NBEA: variants seen among roughly 807,000 people sequenced by gnomAD.
NBEA encodes neurobeachin, also known as lysosomal-trafficking regulator 2.
Under a neutral mutation model 343.4 loss-of-function variants are expected in NBEA, and 44 were observed. The observed-to-expected ratio is 0.13, with a 90% CI of 0.10 to 0.16. The LOEUF (loss-of-function observed/expected upper bound fraction) is 0.16. Ranked by LOEUF, NBEA falls within the 10% of genes least tolerant of loss-of-function variation. The pLI, the probability that NBEA is intolerant of heterozygous loss-of-function variation, is 1.00. For synonymous variants in NBEA, 1,175 were observed against 1,238.7 expected, an observed-to-expected ratio of 0.95 and a Z score of 1.08; for missense variants, 2,555 against 3,631.3, an observed-to-expected ratio of 0.70 and a Z score of 7.62.
chr13:35,301,170 G>GTT (rs549172552), intron 35 of NBEA, among the ~76,000 whole-genome samples: 17 of 142,908 alleles, frequency 1.2e-4, no homozygotes, highest in South Asian at 2.2e-4. Context: ...TCCACAATAT[G>GTT]TTTTTTTTTT....
chr13:35,485,481 T>C (rs1484795119), intron 41 of NBEA, among the ~76,000 whole-genome samples: 1 of 152,118 alleles, frequency 6.6e-6, no homozygotes, highest in Non-Finnish European at 1.5e-5. Context: ...ATCGTTGTAT[T>C]ATCCATGTTA....
At chr13:35,427,867 G>T (rs983993417) in intron 38 of NBEA, among the ~76,000 whole-genome samples, 1 of 152,172 alleles carries the variant, frequency 6.6e-6, no homozygotes, top group African/African-American at 2.4e-5. Context: ...CTGCCACCTT[G>T]CAATTTGATC....
chr13:35,502,786 G>GGGATTTGGGCCTGCAAAT (rs2076938156), intron 41 of NBEA, among the ~76,000 whole-genome samples: 1 of 152,026 alleles, frequency 6.6e-6, no homozygotes, highest in Admixed American at 6.6e-5. Context: ...TACAGTACGT[G>GGGATTTGGGCCTGCAAAT]GGATTTGGGC....
chr13:35,539,892 G>A (rs1425188082), intron 41 of NBEA, among the ~76,000 whole-genome samples: 1 of 116,208 alleles, frequency 8.6e-6, no homozygotes, highest in African/African-American at 3.3e-5. Context: ...CTCCAGCCTG[G>A]GCGACAGAGC....
chr13:35,263,874 G>A (rs953366539), intron 34 of NBEA, among the ~76,000 whole-genome samples: 5 of 151,650 alleles, frequency 3.3e-5, no homozygotes, highest in African/African-American at 1.2e-4. Context: ...TTAGAAAAAC[G>A]AGAAAACTAA....
At chr13:35,315,590 T>C (rs1470667802) in intron 36 of NBEA, among the ~76,000 whole-genome samples, 2 of 152,162 alleles carry the variant, frequency 1.3e-5, no homozygotes, top group Non-Finnish European at 2.9e-5. Flanking sequence ...CCTTTGTCAC[T>C]CTTTTAAAAG....
At chr13:35,201,350 TA>T (rs1240515283) in intron 31 of NBEA, among the ~76,000 whole-genome samples, 2 of 152,130 alleles carry the variant, frequency 1.3e-5, no homozygotes, top group East Asian at 1.9e-4. Flanking sequence ...TTCTTAAACA[TA>T]TTTTTTTATA....
chr13:34,983,529 A>G (rs2060436108), intron 1 of NBEA, among the ~76,000 whole-genome samples: 1 of 152,314 alleles, frequency 6.6e-6, no homozygotes, highest in Non-Finnish European at 1.5e-5. Flanking sequence ...TCTTTTGGGT[A>G]TATACCCAGT....
intron 34 of NBEA, among the ~76,000 whole-genome samples, chr13:35,278,215 G>A (rs1248837814): frequency 6.6e-6 from 1 of 151,260 alleles, no homozygotes; most frequent in Non-Finnish European, 1.5e-5. Flanking sequence ...GAGAGTTTGG[G>A]TGTAGAAAGA....
intron 38 of NBEA, among the ~76,000 whole-genome samples, chr13:35,425,492 T>C (rs947997662): frequency 6.6e-6 from 1 of 152,230 alleles, no homozygotes; most frequent in African/African-American, 2.4e-5. Context: ...TCTAGTTTGA[T>C]TGCACTGCGG....
chr13:35,255,630 A>G (rs751770109), intron 34 of NBEA, among the ~76,000 whole-genome samples: 5 of 152,252 alleles, frequency 3.3e-5, no homozygotes, highest in Admixed American at 6.5e-5. Flanking sequence ...GGATGAGGGC[A>G]AGATGATAGC....
chr13:35,478,222 C>T (rs898826978), intron 41 of NBEA, among the ~76,000 whole-genome samples: 1 of 152,212 alleles, frequency 6.6e-6, no homozygotes, highest in Non-Finnish European at 1.5e-5. Flanking sequence ...CCTTATCCAA[C>T]AGTGATAGAT....
At chr13:35,086,555 C>T (rs1313788163) in intron 10 of NBEA, among the ~76,000 whole-genome samples, 1 of 151,792 alleles carries the variant, frequency 6.6e-6, no homozygotes, top group Non-Finnish European at 1.5e-5. Context: ...TAGCCATTTG[C>T]CTGTTGATGG....
chr13:35,530,433 G>T (rs1428327486), intron 41 of NBEA, among the ~76,000 whole-genome samples: 1 of 145,870 alleles, frequency 6.9e-6, no homozygotes, highest in African/African-American at 2.7e-5. Context: ...TTCTACAGCT[G>T]GGCTAAAAAT....
Position 35,067,016 on chromosome 13 carries a change from T to C in NBEA, c.1240-2892T>C, listed in dbSNP as rs2063676912. ...ATCAGCCCCAGATTTATATTAATTT[T>C]ATCCTAGTGAGTTATATAAATGTTA... is the stretch of plus-strand genomic sequence containing the variant. On this transcript the variant is annotated intron_variant, in intron 8 of 58. Transcript: ENST00000379939. Among the ~76,000 whole-genome samples, 3 of 152,150 alleles carry C rather than the reference T, an allele frequency of 2.0e-5. No individual in the cohort carries two copies. The South Asian group carries it at 6.2e-4, about 32-fold the overall frequency.
chr13:35,280,327 AAAG>A (rs1418823803), intron 34 of NBEA, among the ~76,000 whole-genome samples: 3 of 152,132 alleles, frequency 2.0e-5, no homozygotes, highest in Non-Finnish European at 4.4e-5. Context: ...CTCATGAGTA[AAAG>A]AAGATGTTTA....
At chr13:35,373,418 A>G (rs559940743) in intron 38 of NBEA, among the ~76,000 whole-genome samples, 1 of 152,234 alleles carries the variant, frequency 6.6e-6, no homozygotes, top group South Asian at 2.1e-4. Context: ...TTATTAAGGA[A>G]GTAATGGCCA....
intron 41 of NBEA, among the ~76,000 whole-genome samples, chr13:35,503,210 T>C (rs2076952604): frequency 6.6e-6 from 1 of 151,756 alleles, no homozygotes; most frequent in Admixed American, 6.6e-5. Flanking sequence ...AAAGTAATAC[T>C]TGCTAAATAC....
chr13:35,531,610 G>A (rs956715073), intron 41 of NBEA, among the ~76,000 whole-genome samples: 2 of 152,142 alleles, frequency 1.3e-5, no homozygotes, highest in African/African-American at 4.8e-5. Flanking sequence ...CCGTCTCTAT[G>A]ACAACTGTTT....
Sources: allele counts gnomAD v4.1 joint callset (sites outside exome capture counted in the v4.1 genomes callset), GRCh38; gene constraint gnomAD v4.1.1; transcripts MANE v1.5; gene names NCBI Gene and HGNC (gene_info 2026-07-23, HGNC 2026-07-21).